SMG7: variants seen among roughly 807,000 people sequenced by gnomAD.
SMG7 encodes SMG7 nonsense mediated mRNA decay factor, also known as nonsense-mediated mRNA decay factor SMG7.
SMG7 carries 34 observed loss-of-function variants against 148.2 expected under a neutral mutation model. The observed-to-expected ratio is 0.23, with a 90% confidence interval of 0.17 to 0.31. The LOEUF is 0.31. Among genes scored for constraint, SMG7 ranks in the 10% least tolerant of loss-of-function variants. SMG7 has a pLI of 1.00. For synonymous variants in SMG7, 492 were observed against 515.1 expected, an observed-to-expected ratio of 0.96 and a Z score of 0.61; for missense variants, 1,114 against 1,408.4, an observed-to-expected ratio of 0.79 and a Z score of 3.35.
intron 12 of SMG7, among the ~76,000 whole-genome samples, chr1:183,539,836 A>G (rs760358418): frequency 2.6e-5 from 4 of 152,172 alleles, no homozygotes; most frequent in Non-Finnish European, 4.4e-5. Flanking sequence ...TTTTCTCACC[A>G]GTTTACCTGA....
In SMG7 at chr1:183,552,151, C is replaced by T. The variant is rs754848887; in HGVS notation, c.*220C>T. On this transcript the variant is annotated 3_prime_UTR_variant, in exon 23 of 23. Coordinates refer to ENST00000688051, the MANE Select transcript of SMG7 (RefSeq NM_001375584.1). ...AACTCTCCGTCCCCCCGGGGCCCTCCGGAGGGAGAGAGAGAGGAACTGCTG... is the reference window on the plus strand; with the variant it reads ...AACTCTCCGTCCCCCCGGGGCCCTCTGGAGGGAGAGAGAGAGGAACTGCTG... 121 of 1,201,766 alleles carry T rather than the reference C, an allele frequency of 1.0e-4. No individual in the cohort carries two copies. Among genetic ancestry groups the T allele is most frequent in the African/African-American group, 1.9e-4 (12 of 63,972 alleles). The allele number at this position is 1,201,766 out of a possible 1,614,324, so 74.4% of individuals were successfully genotyped here.
chr1:183,488,682 CTTTTTTTT>C (rs55662555), intron 1 of SMG7, among the ~76,000 whole-genome samples: 13 of 75,094 alleles, frequency 1.7e-4, no homozygotes, highest in African/African-American at 5.7e-4. Context: ...GTTTATAAGG[CTTTTTTTT>C]TTTTTTTTTT....
chr1:183,483,437 A>T (rs148338478), intron 1 of SMG7, among the ~76,000 whole-genome samples: 1 of 152,292 alleles, frequency 6.6e-6, no homozygotes, highest in Non-Finnish European at 1.5e-5. Flanking sequence ...GGAAAATGCA[A>T]CTGGAAGATG....
At chr1:183,498,823 G>A (rs1027192000) in intron 1 of SMG7, among the ~76,000 whole-genome samples, 2 of 152,140 alleles carry the variant, frequency 1.3e-5, no homozygotes, top group Non-Finnish European at 2.9e-5. Context: ...CTGTGGGTTT[G>A]GACCAGTGTG....
chr1:183,476,018 C>T (rs1459003099), intron 1 of SMG7, among the ~76,000 whole-genome samples: 1 of 152,186 alleles, frequency 6.6e-6, no homozygotes, highest in African/African-American at 2.4e-5. Context: ...TAAATTAAAA[C>T]AAGTGTTAGA....
At chr1:183,526,863 A>C in intron 5 of SMG7, 96 bp downstream of exon 5, 1 of 951,942 alleles carries the variant, frequency 1.1e-6, no homozygotes, top group Non-Finnish European at 1.5e-6. Flanking sequence ...GAGCATACAC[A>C]CACAATTTAG....
chr1:183,510,863 C>T (rs751345031), intron 1 of SMG7, among the ~76,000 whole-genome samples: 2 of 152,004 alleles, frequency 1.3e-5, no homozygotes, highest in Non-Finnish European at 2.9e-5. Flanking sequence ...AAAGTGCAGG[C>T]GCCTGTAGTC....
chr1:183,549,007 G>A, intron 18 of SMG7: 2 of 578,202 alleles, frequency 3.5e-6, no homozygotes, highest in Non-Finnish European at 6.1e-6. Flanking sequence ...GATCTAAAAG[G>A]AGGATTCTAT....
intron 1 of SMG7, chr1:183,502,536 TTTA>T (rs1659972511): frequency 1.8e-6 from 1 of 550,682 alleles, no homozygotes; most frequent in African/African-American, 1.9e-5. Context: ...ATGCTAAAGT[TTTA>T]TTATTTATGT....
At chr1:183,522,733 TG>T (rs1156237876) in intron 4 of SMG7, among the ~76,000 whole-genome samples, 2 of 151,938 alleles carry the variant, frequency 1.3e-5, no homozygotes, top group Non-Finnish European at 2.9e-5. Flanking sequence ...GACTAGTACT[TG>T]GTTATCCACA....
In SMG7 at chr1:183,540,885, A is replaced by G. The variant is rs111839156; in HGVS notation, c.1296-99A>G. On this transcript the variant is annotated intron_variant, in intron 12 of 22. Transcript: ENST00000688051. ...CATCAAGTAGCTAACCTATGTGGGA[A>G]GTAATCTGAAGCCATTACAGTTAAT... 1.0e-5 allele frequency: 11 copies of G among 1,065,440 alleles called. No individual in the cohort carries two copies. The Admixed American group carries it at 1.1e-4, about 10-fold the overall frequency. 66.0% of individuals were successfully genotyped at this position (1,065,440 alleles called of 1,614,324 possible).
intron 1 of SMG7, among the ~76,000 whole-genome samples, chr1:183,479,489 T>C (rs569600283): frequency 1.3e-5 from 2 of 152,292 alleles, no homozygotes; most frequent in Admixed American, 6.5e-5. Flanking sequence ...AGTAAAGATA[T>C]ATATGCACTG....
rs139614948 is a variant in SMG7, at chr1:183,486,689, G to A, written c.29+14040G>A. On this transcript the variant is annotated intron_variant, in intron 1 of 22. Coordinates refer to ENST00000688051, the MANE Select transcript of SMG7 (RefSeq NM_001375584.1). ...CTCCCAAAGTGCTGTGATTACAGGC[G>A]TGAGCCACCACACCTGGCCTTTTCT... 4.9e-3 allele frequency among the ~76,000 whole-genome samples: 745 copies of A among 152,220 alleles called. 6 individuals carry two copies. Among genetic ancestry groups the A allele is most frequent in the African/African-American group, 0.017 (717 of 41,520 alleles).
chr1:183,480,937 C>T (rs985667781), intron 1 of SMG7, among the ~76,000 whole-genome samples: 21 of 152,094 alleles, frequency 1.4e-4, no homozygotes, highest in Non-Finnish European at 2.4e-4. Context: ...ATTTGTAAAA[C>T]GGAACATTGA....
chr1:183,512,764 T>C, intron 1 of SMG7, 73 bp from the exon 2 acceptor site: 1 of 1,379,068 alleles, frequency 7.3e-7, no homozygotes, highest in Non-Finnish European at 1.0e-6. Flanking sequence ...ACTTTTAGTG[T>C]TATTTATATG....
chr1:183,499,220 T>C (rs751862415), intron 1 of SMG7, among the ~76,000 whole-genome samples: 3 of 152,214 alleles, frequency 2.0e-5, no homozygotes, highest in Admixed American at 6.5e-5. Context: ...AAAGCCGATA[T>C]GATATTCATG....
At position 183,546,189 on chromosome 1, in the gene SMG7, A is replaced by G. The variant is rs140427154; in HGVS notation, c.2594A>G (p.Lys865Arg). 1 of 1,614,100 alleles carries G rather than the reference A, an allele frequency of 6.2e-7. No homozygotes were observed. ...TATAACCATAATCCCTCAGAAGTCA[A>G]GGTCCCAGAATTCTACTGGGATTCT... ...EPYNHNPSEV[K>R]VPEFYWDSSY... Residue 865 changes from lysine to arginine, a missense_variant, in exon 17 of 23, where the codon AAG (lysine) becomes AGG (arginine). Lys to Arg is a conservative substitution (Grantham distance 26). Transcript: ENST00000688051.
At chr1:183,534,923 C>A (rs891696757) in intron 10 of SMG7, among the ~76,000 whole-genome samples, 8 of 151,578 alleles carry the variant, frequency 5.3e-5, no homozygotes, top group Non-Finnish European at 1.0e-4. Context: ...TAAGCTCTTT[C>A]CATGATATAT....
Position 183,529,378 on chromosome 1 carries a change from AT to A in SMG7, c.708-13del. On this transcript the variant is annotated intron_variant, in intron 7 of 22. Transcript: ENST00000688051. ...CAATTTGCTGCTTATGATTCATGGAATTTTTTTCTTTCATTTCAGCCGAGAT... is the reference window on the plus strand; with the variant it reads ...CAATTTGCTGCTTATGATTCATGGAATTTTTTCTTTCATTTCAGCCGAGAT... 6.2e-7 allele frequency: 1 copy of A among 1,604,826 alleles called. No individual in the cohort carries two copies.
Sources: allele counts gnomAD v4.1 joint callset (sites outside exome capture counted in the v4.1 genomes callset), GRCh38; gene constraint gnomAD v4.1.1; transcripts MANE v1.5; gene names NCBI Gene and HGNC (gene_info 2026-07-23, HGNC 2026-07-21).